The following WWOX variants were observed in gnomAD, a reference collection of about 807,000 sequenced individuals.
The protein encoded by WWOX is WW domain containing oxidoreductase.
In WWOX, 69 loss-of-function variants were observed where a neutral mutation model predicts 46.2. The ratio of observed to expected loss-of-function variants is 1.49; its 90% CI spans 1.23 to 1.82. WWOX has a LOEUF of 1.82. Among genes scored for constraint, WWOX ranks in the 40% most tolerant of loss-of-function variants. The pLI is 0.00. For missense variants in WWOX, 919 were observed against 542.6 expected (o/e 1.69, Z -6.89); for synonymous variants, 359 against 202.6 (o/e 1.77, Z -6.56).
chr16:79,114,028 C>T (rs957532819), intron 8 of WWOX, among the ~76,000 whole-genome samples: 1 of 152,142 alleles, frequency 6.6e-6, no homozygotes, highest in Non-Finnish European at 1.5e-5. Context: ...TTCCTGACAG[C>T]CCCAGGTGCT....
At chr16:78,841,581 A>G (rs2052150820) in intron 8 of WWOX, among the ~76,000 whole-genome samples, 1 of 152,222 alleles carries the variant, frequency 6.6e-6, no homozygotes, top group Non-Finnish European at 1.5e-5. Context: ...AATATATGTA[A>G]TGCTGCTTTC....
chr16:78,571,852 C>T (rs141150170), intron 8 of WWOX, among the ~76,000 whole-genome samples: 2 of 152,036 alleles, frequency 1.3e-5, no homozygotes, highest in African/African-American at 4.8e-5. Context: ...GGCAACAGAG[C>T]TAGATTCCAT....
intron 8 of WWOX, among the ~76,000 whole-genome samples, chr16:78,663,508 C>T (rs1047436024): frequency 4.6e-5 from 7 of 152,176 alleles, no homozygotes; most frequent in Non-Finnish European, 7.3e-5. Context: ...ATGGGTAACA[C>T]TTCTATAAGC....
At chr16:78,691,962 T>C (rs754933279) in intron 8 of WWOX, among the ~76,000 whole-genome samples, 2 of 152,200 alleles carry the variant, frequency 1.3e-5, no homozygotes, top group Non-Finnish European at 2.9e-5. Flanking sequence ...TGAGATCTGA[T>C]GGGTGTATCA....
intron 8 of WWOX, among the ~76,000 whole-genome samples, chr16:78,921,710 A>T (rs2045383843): frequency 6.6e-6 from 1 of 152,176 alleles, no homozygotes; most frequent in African/African-American, 2.4e-5. Context: ...AAGTAAGCAG[A>T]GTGTGTGTCT....
At chr16:78,747,122 T>C (rs1037371197) in intron 8 of WWOX, among the ~76,000 whole-genome samples, 27 of 152,022 alleles carry the variant, frequency 1.8e-4, no homozygotes, top group Non-Finnish European at 1.5e-4. Flanking sequence ...AGCCTATATC[T>C]GCTTCAAGGC....
chr16:79,103,849 C>T (rs1386006144), intron 8 of WWOX, among the ~76,000 whole-genome samples: 1 of 152,116 alleles, frequency 6.6e-6, no homozygotes, highest in Non-Finnish European at 1.5e-5. Flanking sequence ...CACGTTTCTA[C>T]ACATCTGCCT....
intron 5 of WWOX, among the ~76,000 whole-genome samples, chr16:78,230,600 T>C (rs962752284): frequency 6.6e-6 from 1 of 152,236 alleles, no homozygotes; most frequent in Non-Finnish European, 1.5e-5. Flanking sequence ...AAGAATACTA[T>C]CAACTGCTGA....
intron 8 of WWOX, among the ~76,000 whole-genome samples, chr16:78,587,489 CTTTCAAGATA>C (rs2045240301): frequency 6.6e-6 from 1 of 152,166 alleles, no homozygotes; most frequent in Non-Finnish European, 1.5e-5. Flanking sequence ...GTGCATGAAT[CTTTCAAGATA>C]AGTGTCTTAT....
intron 8 of WWOX, among the ~76,000 whole-genome samples, chr16:78,450,761 G>A (rs1012923050): frequency 2.0e-5 from 3 of 152,092 alleles, no homozygotes; most frequent in Admixed American, 6.6e-5. Context: ...AAATATAAAA[G>A]AGCAAGTAAT....
At chr16:79,030,814 G>A (rs945300147) in intron 8 of WWOX, among the ~76,000 whole-genome samples, 7 of 152,134 alleles carry the variant, frequency 4.6e-5, no homozygotes, top group Non-Finnish European at 8.8e-5. Flanking sequence ...TGGGCATGGT[G>A]CCTCATTCCT....
intron 8 of WWOX, among the ~76,000 whole-genome samples, chr16:78,483,196 T>C (rs575464615): frequency 3.3e-5 from 5 of 152,298 alleles, no homozygotes; most frequent in South Asian, 2.1e-4. Flanking sequence ...AAGATACTTT[T>C]ACCTTTTTGA....
intron 4 of WWOX, among the ~76,000 whole-genome samples, chr16:78,117,102 G>A (rs148056889): frequency 1.4e-4 from 22 of 152,310 alleles, no homozygotes; most frequent in African/African-American, 5.3e-4. Context: ...GCTGAGAATG[G>A]CCCTCACATG....
At chr16:78,585,907 A>T (rs1450702263) in intron 8 of WWOX, among the ~76,000 whole-genome samples, 2 of 151,702 alleles carry the variant, frequency 1.3e-5, no homozygotes, top group African/African-American at 4.8e-5. Flanking sequence ...TTCCCTTCAG[A>T]GGTTTGGTGA....
intron 8 of WWOX, among the ~76,000 whole-genome samples, chr16:79,081,792 C>G (rs1597357233): frequency 6.6e-6 from 1 of 152,116 alleles, no homozygotes; most frequent in African/African-American, 2.4e-5. Context: ...CTGGCTGCCT[C>G]TGGTCTCCAG....
At chr16:79,016,179 A>C (rs2047408392) in intron 8 of WWOX, 1 of 152,226 alleles carries the variant, frequency 6.6e-6, no homozygotes. Flanking sequence ...GAAAGAAAGG[A>C]TCTACTGGCA....
At chr16:78,765,262 A>G (rs2049900260) in intron 8 of WWOX, among the ~76,000 whole-genome samples, 1 of 152,226 alleles carries the variant, frequency 6.6e-6, no homozygotes, top group Non-Finnish European at 1.5e-5. Context: ...GTCAGGAATG[A>G]GAAGAGCCCA....
chr16:78,788,907 C>T (rs907617778), intron 8 of WWOX, among the ~76,000 whole-genome samples: 1 of 152,208 alleles, frequency 6.6e-6, no homozygotes, highest in African/African-American at 2.4e-5. Flanking sequence ...CTGCTGTCCC[C>T]TGCTTAGTAT....
intron 8 of WWOX, among the ~76,000 whole-genome samples, chr16:78,643,545 C>G (rs2142121206): frequency 6.6e-6 from 1 of 152,294 alleles, no homozygotes; most frequent in Non-Finnish European, 1.5e-5. Context: ...TTCCACATCT[C>G]ATTAGCACTC....
Sources: gnomAD v4.1 joint callset for allele counts (sites outside exome capture counted in the v4.1 genomes callset) on GRCh38, gnomAD v4.1.1 for gene constraint, MANE v1.5 for transcripts, NCBI Gene and HGNC (gene_info 2026-07-23, HGNC 2026-07-21) for gene names.